The following SCRIB variants were observed in gnomAD, a reference collection of about 807,000 sequenced individuals.
The protein encoded by SCRIB is scribble planar cell polarity protein.
Under a neutral mutation model 170.0 loss-of-function variants are expected in SCRIB, and 72 were observed. The observed-to-expected ratio is 0.42, with a 90% CI of 0.35 to 0.52. SCRIB has a LOEUF of 0.52. SCRIB is among the 20% of genes least tolerant of loss of function. The pLI is 0.02. For missense variants in SCRIB, 2,475 were observed against 2,338.5 expected, an observed-to-expected ratio of 1.06 and a Z score of -1.20; for synonymous variants, 1,298 against 1,044.3, an observed-to-expected ratio of 1.24 and a Z score of -4.68.
chr8:143,809,127 C>T (rs1815581200), intron 14 of SCRIB, 102 bp from the exon 15 acceptor site: 3 of 1,430,478 alleles, frequency 2.1e-6, no homozygotes, highest in African/African-American at 1.4e-5. Context: ...CGAAAGCCTC[C>T]CCGCCACACA....
chr8:143,793,172 T>TC (rs1248781447), intron 28 of SCRIB, 89 bp from the exon 29 acceptor site: 3 of 695,094 alleles, frequency 4.3e-6, no homozygotes, highest in South Asian at 2.7e-5. Context: ...CCCCCGCCTG[T>TC]CCCCCCGCCT....
Position 143,804,760 on chromosome 8 carries a change from G to T in SCRIB, c.2817C>A (p.Ser939=). The T allele has an allele frequency of 6.2e-7, 1 of 1,604,498 alleles. No individual in the cohort carries two copies. The highest frequency in any genetic ancestry group is 8.5e-7 in the Non-Finnish European group (1 of 1,177,024). Residue 939 remains serine, a synonymous_variant, in exon 21 of 37, where the codon TCC becomes TCA. Transcript: ENST00000356994. Reference sequence around the variant, plus strand: ...GCTCCAACAGCAGGGCGATGGTGGGGGAGGCAGCGGTCAGCAGGGAGACGG... The same window carrying T: ...GCTCCAACAGCAGGGCGATGGTGGGTGAGGCAGCGGTCAGCAGGGAGACGG... The part of the protein sequence containing the change: ...DHAVSLLTAA[S]PTIALLLERE...
chr8:143,795,625 G>A (rs760998914), intron 24 of SCRIB, 95 bp from the exon 25 acceptor site: 42 of 1,077,836 alleles, frequency 3.9e-5, no homozygotes, highest in South Asian at 2.4e-4. Flanking sequence ...AGTCAGCAAC[G>A]GTGAGCCCAG....
Position 143,792,862 on chromosome 8 carries a change from G to C in SCRIB, c.4023C>G (p.Pro1341=), listed in dbSNP as rs781996880. ...HPPEDAPAQP[P]TPGPAASPEQ... ...CCGGGGAGGCTGCAGGCCCAGGCGT[G>C]GGGGGCTGGGGGGAGCGGACCTTGA... The change falls in exon 30 of 37, where the codon CCC becomes CCG. Residue 1341 remains proline, a synonymous_variant. Transcript: ENST00000356994. The C allele has an allele frequency of 1.5e-5, 23 of 1,510,130 alleles. No individual in the cohort carries two copies. Among genetic ancestry groups the C allele is most frequent in the South Asian group, 2.6e-5 (2 of 76,520 alleles). 93.5% of individuals were successfully genotyped at this position (1,510,130 alleles called of 1,614,324 possible). A position where few individuals can be genotyped will look rare whatever the true frequency, so the allele number is the denominator to read the frequency against.
rs1554636303 is a variant in SCRIB, at chr8:143,805,368, G to A, written c.2414C>T (p.Thr805Ile). 5 of 1,550,622 alleles carry A rather than the reference G, an allele frequency of 3.2e-6. No individual in the cohort carries two copies. Among genetic ancestry groups the A allele is most frequent in the Non-Finnish European group, 4.3e-6 (5 of 1,154,068 alleles). ...EAVEALRGAG[T>I]AVQMRVWRER... Reference sequence around the variant, plus strand: ...CCGCCACACTCGCATCTGCACGGCAGTGCCGGCCCCCCGGAGCGCCTCCAC... The same window carrying A: ...CCGCCACACTCGCATCTGCACGGCAATGCCGGCCCCCCGGAGCGCCTCCAC... The change falls in exon 19 of 37, where the codon ACT becomes ATT. Residue 805 changes from threonine to isoleucine, a missense_variant. This residue lies in a region of SCRIB where 1,966 missense variants were observed against 1,742.9 expected (regional missense o/e 1.13). Transcript: ENST00000356994.
At position 143,815,339 on chromosome 8, in the gene SCRIB, G is replaced by C. The variant is rs375822903; in HGVS notation, c.34C>G (p.Arg12Gly). The change falls in exon 1 of 37, where the codon CGG becomes GGG. Residue 12 changes from arginine to glycine, a missense_variant. By Grantham distance (125) the Arg-to-Gly change is moderately radical. This residue lies in a region of SCRIB where 487 missense variants were observed against 558.1 expected (regional missense o/e 0.87). Transcript: ENST00000356994. Reference protein sequence around the residue: ...LKCIPLWRCNRHVESVDKRHC... With the variant: ...LKCIPLWRCNGHVESVDKRHC... ...CGCTTGTCCACCGACTCCACGTGCC[G>C]GTTGCAGCGCCACAGCGGGATGCAC... 1.3e-6 allele frequency: 2 copies of C among 1,554,682 alleles called. No homozygotes were observed. The highest frequency in any genetic ancestry group is 3.7e-5 in the Admixed American group (2 of 54,778).
rs1290150305 is a variant in SCRIB at position 143,810,602 on chromosome 8, G to C, written c.1407C>G (p.Gly469=). Residue 469 remains glycine, a splice_region_variant and synonymous_variant, in exon 13 of 37, where the codon GGC becomes GGG. Coordinates refer to ENST00000356994, the MANE Select transcript of SCRIB (RefSeq NM_182706.5). Reference sequence around the variant, plus strand: ...GGTGAGGTGTGGCCCGGCGCTGTAGGCCCTGTTGTAGGGACAAGGATGAGC... The same window carrying C: ...GGTGAGGTGTGGCCCGGCGCTGTAGCCCCTGTTGTAGGGACAAGGATGAGC... The part of the protein sequence containing the change: ...DAEEAAAEKR[G]LQRRATPHPS... 1 of 1,613,298 alleles carries C rather than the reference G, an allele frequency of 6.2e-7. No homozygotes were observed.
In SCRIB at chr8:143,808,600, G is replaced by A; in HGVS notation, c.2115+9C>T. 6.6e-7 allele frequency: 1 copy of A among 1,506,098 alleles called. No individual in the cohort carries two copies. The highest frequency in any genetic ancestry group is 1.4e-5 in the South Asian group (1 of 73,106). 93.3% of individuals were successfully genotyped at this position (1,506,098 alleles called of 1,614,324 possible). ...ATCTGGGTCAGGCAGGGGTGAGGCT[G>A]ACACCAACCTTGACAGAGGGCGCAG... On this transcript the variant is annotated intron_variant, in intron 15 of 36. Transcript: ENST00000356994.
chr8:143,799,540 A>C (rs1304018918), intron 24 of SCRIB, among the ~76,000 whole-genome samples: 1 of 152,174 alleles, frequency 6.6e-6, no homozygotes, highest in Non-Finnish European at 1.5e-5. Context: ...GTAGCGGGCG[A>C]GTCTCTCAGA....
Position 143,793,076 on chromosome 8 carries a change from G to T in SCRIB, c.3917C>A (p.Ser1306Tyr). ...PCSPSGQQPP[S>Y]PPSPDELPAN... The stretch of plus-strand genomic sequence containing the variant: ...GGGCAGCTCATCCGGAGAAGGCGGG[G>T]AGGGCGGCTGGGGGGTGGGGCTCTT... The change falls in exon 29 of 37, where the codon TCC becomes TAC. Residue 1306 changes from serine to tyrosine, a missense_variant. By Grantham distance (144) the Ser-to-Tyr change is moderately radical. This residue lies in a region of SCRIB where 1,966 missense variants were observed against 1,742.9 expected (regional missense o/e 1.13). Transcript: ENST00000356994. 2 of 1,477,642 alleles carry T rather than the reference G, an allele frequency of 1.4e-6. No individual in the cohort carries two copies. The highest frequency in any genetic ancestry group is 9.0e-7 in the Non-Finnish European group (1 of 1,112,954). 91.5% of individuals were successfully genotyped at this position (1,477,642 alleles called of 1,614,324 possible).
In SCRIB at chr8:143,805,431, T is replaced by A; in HGVS notation, c.2351A>T (p.Asn784Ile). The A allele has an allele frequency of 6.7e-7, 1 of 1,493,658 alleles. No individual in the cohort carries two copies. The highest frequency in any genetic ancestry group is 8.9e-7 in the Non-Finnish European group (1 of 1,124,064). 92.5% of individuals were successfully genotyped at this position (1,493,658 alleles called of 1,614,324 possible). A position where few individuals can be genotyped will look rare whatever the true frequency, so the allele number is the denominator to read the frequency against. The change falls in exon 19 of 37, where the codon AAT becomes ATT. Residue 784 changes from asparagine (N) to isoleucine (I), a missense_variant. By Grantham distance (149) the Asn-to-Ile change is moderately radical (BLOSUM62 -3). Around this residue, in one of 3 missense-constraint regions of SCRIB, gnomAD observed 1,966 missense variants for 1,742.9 expected, o/e 1.13. Coordinates refer to ENST00000356994, the MANE Select transcript of SCRIB (RefSeq NM_182706.5). ...CTCGGCGCCCTGCAGAGCCACACCA[T>A]TCACCTGCGGGCCAGGGACCACGTG... The part of the protein sequence containing the change: ...VRVGDKLLEV[N>I]GVALQGAEHH...
chr8:143,811,408 GCCC>G, intron 9 of SCRIB, 63 bp from the exon 10 acceptor site: 1 of 1,466,548 alleles, frequency 6.8e-7, no homozygotes, highest in Non-Finnish European at 9.4e-7. Context: ...GGAGATGACA[GCCC>G]CTGGCAGGAG....
rs79536435 is a variant in SCRIB, at chr8:143,810,771, G to A, written c.1319C>T (p.Ala440Val). ...QGSLSETWSD[A>V]PPSRVSVIQF... ...GATGACGCTGACGCGGCTCGGCGGG[G>A]CATCGCTCCAGGTCTCCGAGAGGCT... Residue 440 changes from alanine (A) to valine (V), a missense_variant, in exon 12 of 37, where the codon GCC (alanine) becomes GTC (valine). Physicochemically the swap from Ala to Val is moderately conservative, Grantham distance 64. Coordinates refer to ENST00000356994, the MANE Select transcript of SCRIB (RefSeq NM_182706.5). The A allele has an allele frequency of 3.6e-4, 579 of 1,605,702 alleles. 5 individuals are homozygous for A. In the East Asian group the frequency reaches 0.012, roughly 35 times the overall value.
intron 28 of SCRIB, 90 bp downstream of exon 28, chr8:143,793,810 C>A: frequency 2.3e-6 from 3 of 1,321,018 alleles, no homozygotes; most frequent in Non-Finnish European, 3.2e-6. Context: ...CCCTGACCCC[C>A]CATCCCTGGA....
In SCRIB at chr8:143,804,524, C is replaced by A. The variant is rs782175562; in HGVS notation, c.3009+44G>T. ...CAGGTCCTGGGAAGGCCAGTGCCCA[C>A]AGCTGAAGCTGGGTGGGTGCCTGGG... On this transcript the variant is annotated intron_variant, in intron 21 of 36. Transcript: ENST00000356994. The A allele has an allele frequency of 2.7e-6, 4 of 1,481,678 alleles. No homozygotes were observed. In the East Asian group the frequency reaches 9.3e-5, roughly 35 times the overall value. The allele number at this position is 1,481,678 out of a possible 1,614,324, so 91.8% of individuals were successfully genotyped here.
intron 1 of SCRIB, among the ~76,000 whole-genome samples, chr8:143,814,454 C>T (rs377359364): frequency 6.6e-6 from 1 of 152,166 alleles, no homozygotes; most frequent in Admixed American, 6.5e-5. Context: ...CCTCCAGGGG[C>T]CCACACTGGC....
rs201787175 is a variant in SCRIB, at chr8:143,805,358, C to A, written c.2424G>T (p.Gln808His). 37 of 1,552,334 alleles carry A rather than the reference C, an allele frequency of 2.4e-5. No individual in the cohort carries two copies. Among genetic ancestry groups the A allele is most frequent in the Admixed American group, 9.2e-5 (5 of 54,398 alleles). ...EALRGAGTAV[Q>H]MRVWRERMVE... The stretch of plus-strand genomic sequence containing the variant: ...CCATGCGCTCCCGCCACACTCGCAT[C>A]TGCACGGCAGTGCCGGCCCCCCGGA... The change falls in exon 19 of 37, where the codon CAG becomes CAT. Residue 808 changes from glutamine (Q) to histidine (H), a missense_variant. Transcript: ENST00000356994.
Position 143,814,098 on chromosome 8 carries a change from G to A in SCRIB, c.180C>T (p.Asn60=). The part of the protein sequence containing the change: ...ELPKPFFRLL[N]LRKLGLSDNE... Reference sequence around the variant, plus strand: ...TGTCGCTCAGGCCCAGCTTGCGCAAGTTCAGCAGCCGGAAAAAAGGCTGTG... The same window carrying A: ...TGTCGCTCAGGCCCAGCTTGCGCAAATTCAGCAGCCGGAAAAAAGGCTGTG... The change falls in exon 2 of 37, where the codon AAC becomes AAT. Residue 60 remains asparagine, a synonymous_variant. Coordinates refer to ENST00000356994, the MANE Select transcript of SCRIB (RefSeq NM_182706.5). 1.3e-6 allele frequency: 2 copies of A among 1,553,948 alleles called. No homozygotes were observed. Among genetic ancestry groups the A allele is most frequent in the Non-Finnish European group, 1.7e-6 (2 of 1,148,408 alleles).
Position 143,804,594 on chromosome 8 carries a change from C to T in SCRIB, c.2983G>A (p.Ala995Thr), listed in dbSNP as rs564377435. ...TCCACTGGGTATGGCCCTTCCAACG[C>T]GGCAGCCAGCAGGCTGGGGGCCAGG... Reference protein sequence around the residue: ...PSLAPSLLAAALEGPYPVEEI... With the variant: ...PSLAPSLLAATLEGPYPVEEI... Residue 995 changes from alanine to threonine, a missense_variant, in exon 21 of 37, where the codon GCG becomes ACG. By Grantham distance (58) the Ala-to-Thr change is moderately conservative. This residue lies in a region of SCRIB where 1,966 missense variants were observed against 1,742.9 expected (regional missense o/e 1.13). Transcript: ENST00000356994. 2.1e-5 allele frequency: 32 copies of T among 1,514,272 alleles called. No individual in the cohort carries two copies. Among genetic ancestry groups the T allele is most frequent in the Admixed American group, 8.4e-5 (4 of 47,766 alleles). 93.8% of individuals were successfully genotyped at this position (1,514,272 alleles called of 1,614,324 possible).
Sources: allele counts gnomAD v4.1 joint callset (sites outside exome capture counted in the v4.1 genomes callset), GRCh38; gene constraint gnomAD v4.1.1; regional missense constraint gnomAD v4.1.1; transcripts MANE v1.5; gene names NCBI Gene and HGNC (gene_info 2026-07-23, HGNC 2026-07-21).